The following DSTYK variants were observed in gnomAD, a reference collection of about 807,000 sequenced individuals.
DSTYK encodes the protein RIP-homologous kinase.
A neutral mutation model predicts 98.7 loss-of-function variants in DSTYK; 34 were observed. That is an observed-to-expected ratio of 0.34 (90% confidence interval 0.26 to 0.46). DSTYK has a LOEUF of 0.46. Among genes scored for constraint, DSTYK ranks in the 20% least tolerant of loss-of-function variants. The pLI is 1.00. For synonymous variants in DSTYK, 462 were observed against 457.3 expected (o/e 1.01, Z -0.13); for missense variants, 962 against 1,181.7 (o/e 0.81, Z 2.73).
chr1:205,183,305 T>C (rs1658474126), intron 2 of DSTYK, among the ~76,000 whole-genome samples: 1 of 152,196 alleles, frequency 6.6e-6, no homozygotes, highest in Non-Finnish European at 1.5e-5. Context: ...AAAGTGACTA[T>C]ATTTGAACAC....
rs1409529199 is a variant in DSTYK at position 205,196,807 on chromosome 1, C to T, written c.266-9001G>A. Among the ~76,000 whole-genome samples, 3 of 144,006 alleles carry T rather than the reference C, an allele frequency of 2.1e-5. No individual in the cohort carries two copies. The East Asian group carries it at 6.0e-4, about 29-fold the overall frequency. The allele number at this position is 144,006 out of a possible 152,430, so 94.5% of individuals were successfully genotyped here. ...GAGATGGAGTTTCGTTCTTGTTGCCCAAGCTGGAGTACAATGGCATGATCT... is the reference window on the plus strand; with the variant it reads ...GAGATGGAGTTTCGTTCTTGTTGCCTAAGCTGGAGTACAATGGCATGATCT... On this transcript the variant is annotated intron_variant, in intron 1 of 12. Transcript: ENST00000367162.
chr1:205,202,440 CA>C, intron 1 of DSTYK: 2 of 761,668 alleles, frequency 2.6e-6, no homozygotes, highest in Non-Finnish European at 4.8e-6. Context: ...GTCAGTGGCC[CA>C]AAAAGCTTGC....
chr1:205,161,023 C>T (rs1211344902), intron 7 of DSTYK, among the ~76,000 whole-genome samples: 1 of 152,158 alleles, frequency 6.6e-6, no homozygotes, highest in Non-Finnish European at 1.5e-5. Context: ...GTCCACCCAC[C>T]TCAGCCTCCC....
chr1:205,183,835 C>T (rs1658490066), intron 2 of DSTYK, among the ~76,000 whole-genome samples: 1 of 152,120 alleles, frequency 6.6e-6, no homozygotes, highest in Non-Finnish European at 1.5e-5. Context: ...TGCTTGGATT[C>T]CACGAAGGTT....
intron 10 of DSTYK, among the ~76,000 whole-genome samples, chr1:205,154,127 G>T (rs1193297162): frequency 6.6e-6 from 1 of 151,654 alleles, no homozygotes. Flanking sequence ...TTGGAGAAAA[G>T]AATATGAGTT....
At chr1:205,159,739 C>A (rs1657663661) in intron 8 of DSTYK, 60 bp from the exon 9 acceptor site, 2 of 1,601,322 alleles carry the variant, frequency 1.2e-6, no homozygotes, top group Non-Finnish European at 1.7e-6. Context: ...GCATGCCATG[C>A]CACAATGTAT....
At position 205,209,893 on chromosome 1, in the gene DSTYK, C is replaced by T. The variant is rs112087954; in HGVS notation, c.265+1378G>A. Among the ~76,000 whole-genome samples, 1,232 of 150,146 alleles carry T rather than the reference C, an allele frequency of 8.2e-3. 19 individuals are homozygous for T. Among genetic ancestry groups the T allele is most frequent in the African/African-American group, 0.029 (1,176 of 40,788 alleles). On this transcript the variant is annotated intron_variant, in intron 1 of 12. Transcript: ENST00000367162. ...CCTTCCCCAGTGTCTTTTATTATTACTATTATTATTATTATTATTATTATT... is the reference window on the plus strand; with the variant it reads ...CCTTCCCCAGTGTCTTTTATTATTATTATTATTATTATTATTATTATTATT...
intron 1 of DSTYK, among the ~76,000 whole-genome samples, chr1:205,207,080 C>CTTTT (rs34237326): frequency 7.1e-6 from 1 of 140,652 alleles, no homozygotes. Flanking sequence ...ACTCCAGTAT[C>CTTTT]TTTTTTTTTT....
intron 1 of DSTYK, among the ~76,000 whole-genome samples, chr1:205,196,979 G>A (rs1033238796): frequency 4.0e-5 from 6 of 151,510 alleles, no homozygotes; most frequent in African/African-American, 1.5e-4. Flanking sequence ...TGGCCAGGCT[G>A]GTCTTGAACT....
chr1:205,167,225 CCT>C (rs952668818), intron 3 of DSTYK, among the ~76,000 whole-genome samples: 10 of 151,854 alleles, frequency 6.6e-5, no homozygotes, highest in South Asian at 4.2e-4. Context: ...TGGTGAAACC[CCT>C]GTCTCTAAAA....
intron 5 of DSTYK, 132 bp downstream of exon 5, chr1:205,162,791 G>T: frequency 1.5e-6 from 1 of 681,670 alleles, no homozygotes; most frequent in Non-Finnish European, 2.6e-6. Context: ...ATTCTCCCAG[G>T]CAGGCAAACC....
chr1:205,149,771 T>G (rs1024879306), intron 11 of DSTYK, among the ~76,000 whole-genome samples: 1 of 152,240 alleles, frequency 6.6e-6, no homozygotes, highest in Non-Finnish European at 1.5e-5. Context: ...GCCTTGATTC[T>G]TCTGTGGGAA....
chr1:205,154,578 T>A (rs1231834904), intron 10 of DSTYK, among the ~76,000 whole-genome samples: 1 of 152,194 alleles, frequency 6.6e-6, no homozygotes, highest in African/African-American at 2.4e-5. Context: ...CTCAGGTATG[T>A]CTTTATTAGC....
chr1:205,200,641 TG>T (rs1167851682), intron 1 of DSTYK, among the ~76,000 whole-genome samples: 1 of 152,216 alleles, frequency 6.6e-6, no homozygotes, highest in Non-Finnish European at 1.5e-5. Flanking sequence ...AACATCAATT[TG>T]GAATTAATAA....
chr1:205,147,551 T>C lies in DSTYK; in HGVS notation c.*7A>G. On this transcript the variant is annotated 3_prime_UTR_variant, in exon 13 of 13. Transcript: ENST00000367162. ...AACTAGAGAGTGAAAGAGAAAGGTC[T>C]TTGCTTTCAAGTAGAATCATCTAGT... 1 of 1,600,434 alleles carries C rather than the reference T, an allele frequency of 6.2e-7. No individual in the cohort carries two copies. The highest frequency in any genetic ancestry group is 8.6e-7 in the Non-Finnish European group (1 of 1,168,856).
chr1:205,160,217 G>A lies in DSTYK; in HGVS notation c.2002C>T (p.Leu668=). 1 of 1,614,170 alleles carries A rather than the reference G, an allele frequency of 6.2e-7. No homozygotes were observed. Among genetic ancestry groups the A allele is most frequent in the South Asian group, 1.1e-5 (1 of 91,090 alleles). Residue 668 remains leucine, a synonymous_variant, in exon 8 of 13, where the codon CTG becomes TTG. Coordinates refer to ENST00000367162, the MANE Select transcript of DSTYK (RefSeq NM_015375.3). Reference sequence around the variant, plus strand: ...AAGTGTCCTCCCCAGTTGTCACACAGGTATACCACACCATACTGGCCCCGG... The same window carrying A: ...AAGTGTCCTCCCCAGTTGTCACACAAGTATACCACACCATACTGGCCCCGG... ...LGRGQYGVVY[L]CDNWGGHFPC... is the part of the protein sequence containing the mutation.
chr1:205,161,257 C>T lies in DSTYK; in HGVS notation c.1948+1G>A. The T allele has an allele frequency of 3.7e-6, 6 of 1,613,690 alleles. No individual in the cohort carries two copies. In the South Asian group the frequency reaches 5.5e-5, roughly 15 times the overall value. Reference sequence around the variant, plus strand: ...TTTATCTAGAAGAAAACCAGACTCACGATGAAGCAAGACATCCTGTAAAGA... The same window carrying T: ...TTTATCTAGAAGAAAACCAGACTCATGATGAAGCAAGACATCCTGTAAAGA... On this transcript the variant is annotated splice_donor_variant, in intron 7 of 12. Transcript: ENST00000367162. LOFTEE classifies it high-confidence loss of function.
chr1:205,190,547 C>T (rs1379794111), intron 1 of DSTYK, among the ~76,000 whole-genome samples: 1 of 134,538 alleles, frequency 7.4e-6, no homozygotes, highest in Non-Finnish European at 1.5e-5. Flanking sequence ...ACCCGGGAAG[C>T]GGAGGTTGCA....
Position 205,202,475 on chromosome 1 carries a change from A to C in DSTYK, c.265+8796T>G, listed in dbSNP as rs950521067. On this transcript the variant is annotated intron_variant, in intron 1 of 12. Coordinates refer to ENST00000367162, the MANE Select transcript of DSTYK (RefSeq NM_015375.3). ...GCTGAATTTTTGCTACACATGCTTA[A>C]AAATGCAGAGAGTAATGCTGAACTT... 10 of 821,526 alleles carry C rather than the reference A, an allele frequency of 1.2e-5. No individual in the cohort carries two copies. In the African/African-American group the frequency reaches 1.7e-4, roughly 14 times the overall value. 50.9% of individuals were successfully genotyped at this position (821,526 alleles called of 1,614,324 possible). A position where few individuals can be genotyped will look rare whatever the true frequency, so the allele number is the denominator to read the frequency against.
Sources: allele counts gnomAD v4.1 joint callset (sites outside exome capture counted in the v4.1 genomes callset), GRCh38; gene constraint gnomAD v4.1.1; transcripts MANE v1.5; gene names NCBI Gene and HGNC (gene_info 2026-07-23, HGNC 2026-07-21).